The following ADAM10 variants were observed in gnomAD, a reference collection of about 807,000 sequenced individuals.
ADAM10 encodes the protein disintegrin and metalloproteinase domain-containing protein 10.
In ADAM10, 17 loss-of-function variants were observed where a neutral mutation model predicts 90.1. The ratio of observed to expected loss-of-function variants is 0.19; its 90% confidence interval spans 0.13 to 0.28. ADAM10 has a LOEUF of 0.28. Among genes scored for constraint, ADAM10 ranks in the 10% least tolerant of loss-of-function variants. ADAM10 has a pLI of 1.00. For missense variants in ADAM10, 610 were observed against 914.3 expected (o/e 0.67, Z 4.29); for synonymous variants, 310 against 298.6 (o/e 1.04, Z -0.40).
intron 9 of ADAM10, among the ~76,000 whole-genome samples, chr15:58,631,500 C>T (rs1596009397): frequency 6.6e-6 from 1 of 152,272 alleles, no homozygotes; most frequent in East Asian, 1.9e-4. Context: ...GTGTGGTTCA[C>T]AGATGAGCAC....
At chr15:58,670,776 A>G (rs1256595253) in intron 4 of ADAM10, among the ~76,000 whole-genome samples, 1 of 152,162 alleles carries the variant, frequency 6.6e-6, no homozygotes, top group Non-Finnish European at 1.5e-5. Flanking sequence ...TAGCCATTTT[A>G]TATAGTCATT....
chr15:58,718,899 C>T (rs1898753045), intron 1 of ADAM10, among the ~76,000 whole-genome samples: 2 of 152,210 alleles, frequency 1.3e-5, no homozygotes, highest in Non-Finnish European at 2.9e-5. Flanking sequence ...GTTCCCTGGA[C>T]TCTACCTAGG....
chr15:58,717,956 T>A (rs1638720014), intron 1 of ADAM10, among the ~76,000 whole-genome samples: 1 of 152,092 alleles, frequency 6.6e-6, no homozygotes, highest in Non-Finnish European at 1.5e-5. Context: ...GTTTTAGATG[T>A]CCTTTATCAA....
At chr15:58,713,403 G>A (rs1480178166) in intron 2 of ADAM10, among the ~76,000 whole-genome samples, 1 of 152,136 alleles carries the variant, frequency 6.6e-6, no homozygotes, top group African/African-American at 2.4e-5. Flanking sequence ...ACCATGTCCA[G>A]CAATTCACTC....
chr15:58,643,206 GTAATT>G (rs1398483609), intron 7 of ADAM10, among the ~76,000 whole-genome samples: 34 of 151,970 alleles, frequency 2.2e-4, no homozygotes, highest in Admixed American at 3.9e-4. Context: ...TTATTTACCT[GTAATT>G]TATAACATTA....
intron 2 of ADAM10, among the ~76,000 whole-genome samples, chr15:58,701,164 G>A (rs779103187): frequency 1.3e-5 from 2 of 151,700 alleles, no homozygotes; most frequent in Non-Finnish European, 2.9e-5. Context: ...GAAATAGCCT[G>A]TTGAATAGAA....
Position 58,646,057 on chromosome 15 carries a change from G to C in ADAM10, c.733C>G (p.Gln245Glu). 1.2e-6 allele frequency: 2 copies of C among 1,613,282 alleles called. No individual in the cohort carries two copies. The highest frequency in any genetic ancestry group is 2.2e-5 in the South Asian group (2 of 91,054). The change falls in exon 6 of 16, where the codon CAG becomes GAG. Residue 245 changes from glutamine to glutamate, a missense_variant and splice_region_variant. Around this residue, in one of 4 missense-constraint regions of ADAM10, gnomAD observed 310 missense variants for 362.4 expected, o/e 0.86. Transcript: ENST00000260408. ...AAATAGCGCATAATCATAAATACCT[G>C]GGCAATCACAGCTTCTCGTGTTCCG... ...YYGTREAVIA[Q>E]ISSHVKAIDT... is the part of the protein sequence containing the mutation.
At chr15:58,641,525 T>C (rs1395047480) in intron 7 of ADAM10, among the ~76,000 whole-genome samples, 1 of 152,184 alleles carries the variant, frequency 6.6e-6, no homozygotes, top group Non-Finnish European at 1.5e-5. Context: ...TTCCTGAATG[T>C]GGGCAAGAAT....
Position 58,611,947 on chromosome 15 carries a change from G to C in ADAM10, c.1556C>G (p.Ser519Ter). 6.2e-7 allele frequency: 1 copy of C among 1,614,122 alleles called. No homozygotes were observed. Among genetic ancestry groups the C allele is most frequent in the Non-Finnish European group, 8.5e-7 (1 of 1,180,016 alleles). Residue 519 changes from serine to a stop codon, truncating the protein, a stop_gained, in exon 12 of 16, where the codon TCA (serine) becomes TGA (stop). Transcript: ENST00000260408. LOFTEE classifies it high-confidence loss of function. Reference sequence around the variant, plus strand: ...ATCATCCCGACACTTCTCAGACTTTGACTTGAATGCACACTGTGCTGTACA... The same window carrying C: ...ATCATCCCGACACTTCTCAGACTTTCACTTGAATGCACACTGTGCTGTACA... ...PCCTAQCAFK[S>*]KSEKCRDDSD...
chr15:58,739,934 T>C (rs1296616463), intron 1 of ADAM10, among the ~76,000 whole-genome samples: 5 of 152,204 alleles, frequency 3.3e-5, no homozygotes, highest in Admixed American at 6.5e-5. Flanking sequence ...CCAGTCCACT[T>C]CCTAAGCAAT....
At position 58,656,084 on chromosome 15, in the gene ADAM10, C is replaced by T. The variant is rs573332829; in HGVS notation, c.585+9013G>A. 5.3e-5 allele frequency among the ~76,000 whole-genome samples: 8 copies of T among 152,014 alleles called. No individual in the cohort carries two copies. The East Asian group carries it at 1.5e-3, about 29-fold the overall frequency. On this transcript the variant is annotated intron_variant, in intron 5 of 15. Coordinates refer to ENST00000260408, the MANE Select transcript of ADAM10 (RefSeq NM_001110.4). Reference sequence around the variant, plus strand: ...ATATAGTGACTATCTTTGTCTCTTACAGTTTTTGTCCTGAAATCTATTTTG... The same window carrying T: ...ATATAGTGACTATCTTTGTCTCTTATAGTTTTTGTCCTGAAATCTATTTTG...
intron 2 of ADAM10, among the ~76,000 whole-genome samples, chr15:58,696,747 G>C (rs1897990692): frequency 6.6e-6 from 1 of 152,176 alleles, no homozygotes; most frequent in Non-Finnish European, 1.5e-5. Flanking sequence ...TTACATGTGT[G>C]AGCCACCGCA....
rs1596040130 is a variant in ADAM10 at position 58,660,585 on chromosome 15, T to C, written c.585+4512A>G. On this transcript the variant is annotated intron_variant, in intron 5 of 15. Coordinates refer to ENST00000260408, the MANE Select transcript of ADAM10 (RefSeq NM_001110.4). ...TTCACACCTCAGCAGTCCATTTATA[T>C]TTAATGCAGTCATCAATATGGTTAG... is the stretch of plus-strand genomic sequence containing the variant. 3.3e-5 allele frequency among the ~76,000 whole-genome samples: 5 copies of C among 152,232 alleles called. No homozygotes were observed. The South Asian group carries it at 1.0e-3, about 32-fold the overall frequency.
chr15:58,699,719 C>G (rs1314509817), intron 2 of ADAM10, among the ~76,000 whole-genome samples: 2 of 152,020 alleles, frequency 1.3e-5, no homozygotes, highest in South Asian at 2.1e-4. Context: ...CTGCAGTAAG[C>G]CATGTGTGAT....
In ADAM10 at chr15:58,717,258, A is replaced by C. The variant is rs750609029; in HGVS notation, c.206+319T>G. On this transcript the variant is annotated intron_variant, in intron 2 of 15. Coordinates refer to ENST00000260408, the MANE Select transcript of ADAM10 (RefSeq NM_001110.4). ...CTTCACTGCTGGCACCAGTAGATAG[A>C]TATATTGACCATAAAACATATAAAA... Among the ~76,000 whole-genome samples the C allele has an allele frequency of 5.9e-5, 9 of 152,220 alleles. No homozygotes were observed. In the South Asian group the frequency reaches 1.9e-3, roughly 32 times the overall value.
chr15:58,698,318 T>A, intron 2 of ADAM10: 1 of 443,964 alleles, frequency 2.3e-6, no homozygotes, highest in South Asian at 1.6e-5. Context: ...ACATCTGTAA[T>A]CCCAGCACTG....
intron 11 of ADAM10, among the ~76,000 whole-genome samples, chr15:58,617,575 G>C (rs1595994854): frequency 6.6e-6 from 1 of 152,140 alleles, no homozygotes; most frequent in Non-Finnish European, 1.5e-5. Flanking sequence ...TTAGGCAAGA[G>C]AAGAAAATAA....
intron 1 of ADAM10, among the ~76,000 whole-genome samples, chr15:58,719,234 G>A (rs1344542552): frequency 4.6e-5 from 7 of 152,198 alleles, no homozygotes; most frequent in Admixed American, 1.3e-4. Flanking sequence ...TGAGGCAGGA[G>A]AATCACTTGA....
intron 3 of ADAM10, among the ~76,000 whole-genome samples, chr15:58,681,247 C>T (rs774340155): frequency 1.3e-5 from 2 of 152,120 alleles, no homozygotes; most frequent in Non-Finnish European, 2.9e-5. Context: ...CAATATAACA[C>T]TAAAGTCTGA....
Sources: gnomAD v4.1 joint callset for allele counts (sites outside exome capture counted in the v4.1 genomes callset) on GRCh38, gnomAD v4.1.1 for gene constraint, gnomAD v4.1.1 regional missense constraint, MANE v1.5 for transcripts, NCBI Gene and HGNC (gene_info 2026-07-23, HGNC 2026-07-21) for gene names.